The following MX1 variants were observed in gnomAD, a reference collection of about 807,000 sequenced individuals.
MX1 encodes the protein MX dynamin like GTPase 1.
A neutral mutation model predicts 66.4 loss-of-function variants in MX1; 66 were observed. The ratio of observed to expected loss-of-function variants is 0.99; its 90% CI spans 0.82 to 1.22. The LOEUF (loss-of-function observed/expected upper bound fraction) is 1.22. Among genes scored for constraint, MX1 ranks in the 50% most tolerant of loss-of-function variants. The pLI, the probability that MX1 is intolerant of heterozygous loss-of-function variation, is 0.00. For synonymous variants in MX1, 311 were observed against 318.1 expected (o/e 0.98, Z 0.24); for missense variants, 787 against 834.3 (o/e 0.94, Z 0.70).
intron 14 of MX1, 60 bp downstream of exon 14, chr21:41,449,355 A>C: frequency 6.5e-7 from 1 of 1,541,834 alleles, no homozygotes; most frequent in South Asian, 1.2e-5. Context: ...GTTCGAACCA[A>C]AGCCAGCACC....
intron 16 of MX1, 124 bp from the exon 17 acceptor site, chr21:41,458,404 G>A: frequency 8.5e-7 from 1 of 1,170,996 alleles, no homozygotes; most frequent in Non-Finnish European, 1.2e-6. Flanking sequence ...CCAGGGGAAG[G>A]TCATTGCCCT....
chr21:41,454,231 T>C (rs1018355797), intron 16 of MX1, among the ~76,000 whole-genome samples: 5 of 152,242 alleles, frequency 3.3e-5, no homozygotes, highest in African/African-American at 1.2e-4. Context: ...TGTCTTGTGA[T>C]GCTATACCAG....
chr21:41,446,049 A>G lies in MX1; in HGVS notation c.1181A>G (p.Glu394Gly). ...ATCACTGCTCTCATGCAAGGAGAGG[A>G]AACTGTAGGGGAGGAAGACATTCGG... The part of the protein sequence containing the change: ...QDITALMQGE[E>G]TVGEEDIRLF... Residue 394 changes from glutamate (E) to glycine (G), a missense_variant, in exon 13 of 17, where the codon GAA becomes GGA. Transcript: ENST00000398598. 10 of 1,614,168 alleles carry G rather than the reference A, an allele frequency of 6.2e-6. No homozygotes were observed. The highest frequency in any genetic ancestry group is 8.5e-6 in the Non-Finnish European group (10 of 1,180,008).
At chr21:41,449,354 A>G in intron 14 of MX1, 59 bp downstream of exon 14, 1 of 1,547,386 alleles carries the variant, frequency 6.5e-7, no homozygotes, top group Non-Finnish European at 8.7e-7. Context: ...GGTTCGAACC[A>G]AAGCCAGCAC....
At position 41,440,776 on chromosome 21, in the gene MX1, GA is replaced by G. The variant is rs1601501346; in HGVS notation, c.592-108del. 5 of 1,275,696 alleles carry G rather than the reference GA, an allele frequency of 3.9e-6. No homozygotes were observed. In the East Asian group the frequency reaches 1.2e-4, roughly 30 times the overall value. The allele number at this position is 1,275,696 out of a possible 1,614,324, so 79.0% of individuals were successfully genotyped here. ...TTCTCCAAAGTTACTTCTTTTGGGGGAAATACCCCTGGGACTCTTAGGGCCT... is the reference window on the plus strand; with the variant it reads ...TTCTCCAAAGTTACTTCTTTTGGGGGAATACCCCTGGGACTCTTAGGGCCT... On this transcript the variant is annotated intron_variant, in intron 8 of 16. Coordinates refer to ENST00000398598, the MANE Select transcript of MX1 (RefSeq NM_002462.5).
chr21:41,435,368 C>T (rs1042165698), intron 5 of MX1, among the ~76,000 whole-genome samples: 1 of 152,134 alleles, frequency 6.6e-6, no homozygotes, highest in African/African-American at 2.4e-5. Flanking sequence ...CTTCCATTCT[C>T]TTTTGGGGAT....
intron 16 of MX1, 73 bp from the exon 17 acceptor site, chr21:41,458,455 G>A (rs1270020588): frequency 7.6e-6 from 12 of 1,570,490 alleles, no homozygotes; most frequent in Middle Eastern, 1.7e-4. Context: ...CCCCTCATGT[G>A]CACATGGTGA....
At chr21:41,440,531 T>G (rs774881823) in intron 8 of MX1, among the ~76,000 whole-genome samples, 2 of 152,164 alleles carry the variant, frequency 1.3e-5, no homozygotes, top group Non-Finnish European at 2.9e-5. Context: ...TAATGATATT[T>G]TAGTATCAGT....
chr21:41,440,731 G>A (rs1025670040), intron 8 of MX1, among the ~76,000 whole-genome samples, 156 bp from the exon 9 acceptor site: 1 of 152,138 alleles, frequency 6.6e-6, no homozygotes, highest in Non-Finnish European at 1.5e-5. Context: ...GTACCTCCAG[G>A]GTTGTGTTTG....
chr21:41,441,324 G>A lies in MX1; in HGVS notation c.730+299G>A, dbSNP rs1263437565. 4 of 448,176 alleles carry A rather than the reference G, an allele frequency of 8.9e-6. No individual in the cohort carries two copies. Among genetic ancestry groups the A allele is most frequent in the Non-Finnish European group, 1.2e-5 (3 of 243,236 alleles). The allele number at this position is 448,176 out of a possible 1,614,324, so 27.8% of individuals were successfully genotyped here. A position where few individuals can be genotyped will look rare whatever the true frequency, so the allele number is the denominator to read the frequency against. The stretch of plus-strand genomic sequence containing the variant: ...TGACTCTCACTGGCTAGGTTGCCTT[G>A]TAAGCCTTATCTACTTGCTCAGAAA... On this transcript the variant is annotated intron_variant, in intron 9 of 16. Transcript: ENST00000398598. The surrounding 1 kb of genome is among the most constrained non-coding windows in gnomAD (Gnocchi z 4.0).
At chr21:41,434,504 C>T (rs931531298) in intron 5 of MX1, among the ~76,000 whole-genome samples, 2 of 152,188 alleles carry the variant, frequency 1.3e-5, no homozygotes, top group South Asian at 2.1e-4. Flanking sequence ...CTATTTGTCC[C>T]GTCTGTTCTT....
At chr21:41,445,629 C>T in intron 12 of MX1, 59 bp downstream of exon 12, 1 of 1,606,824 alleles carries the variant, frequency 6.2e-7, no homozygotes, top group Non-Finnish European at 8.5e-7. Context: ...AAAAAGGGAC[C>T]CTGGGCCTTA....
intron 6 of MX1, 93 bp from the exon 7 acceptor site, chr21:41,436,922 T>A (rs577991421): frequency 6.1e-6 from 9 of 1,469,570 alleles, no homozygotes; most frequent in Non-Finnish European, 8.3e-6. Context: ...TCTCCCCATA[T>A]GATTGTATAA....
chr21:41,443,950 G>A, intron 11 of MX1, 84 bp downstream of exon 11: 1 of 1,237,376 alleles, frequency 8.1e-7, no homozygotes, highest in Non-Finnish European at 1.2e-6. Context: ...AAACATCACT[G>A]TACACACAGA....
intron 14 of MX1, among the ~76,000 whole-genome samples, chr21:41,450,011 TC>T (rs2090780943): frequency 6.6e-6 from 1 of 152,166 alleles, no homozygotes; most frequent in South Asian, 2.1e-4. Context: ...CACGAGATAC[TC>T]CTAAGGCTGG....
intron 16 of MX1, among the ~76,000 whole-genome samples, chr21:41,456,653 AG>A (rs1163532934): frequency 2.0e-5 from 3 of 152,190 alleles, no homozygotes; most frequent in Non-Finnish European, 4.4e-5. Flanking sequence ...ACACCATCAC[AG>A]CTGGGGAAAG....
chr21:41,454,651 G>C (rs2090916492), intron 16 of MX1, among the ~76,000 whole-genome samples: 1 of 152,212 alleles, frequency 6.6e-6, no homozygotes, highest in African/African-American at 2.4e-5. Flanking sequence ...CAGTTAACCT[G>C]AAGTACAATC....
At chr21:41,424,805 A>G (rs1288083691), upstream of MX1, among the ~76,000 whole-genome samples, 1 of 152,248 alleles carries the variant, frequency 6.6e-6, no homozygotes, top group Non-Finnish European at 1.5e-5. Flanking sequence ...GGCCAACAGC[A>G]GGCTCATGCC....
At chr21:41,438,558 C>T (rs1414667649) in intron 7 of MX1, among the ~76,000 whole-genome samples, 2 of 152,254 alleles carry the variant, frequency 1.3e-5, no homozygotes, top group African/African-American at 4.8e-5. Flanking sequence ...CGACATCTAA[C>T]ACCTTTCGGT....
Sources: gnomAD v4.1 joint callset for allele counts (sites outside exome capture counted in the v4.1 genomes callset) on GRCh38, gnomAD v4.1.1 for gene constraint, Gnocchi (gnomAD v3.1) non-coding constraint, MANE v1.5 for transcripts, NCBI Gene and HGNC (gene_info 2026-07-23, HGNC 2026-07-21) for gene names.